The following SGCZ variants were observed in gnomAD, a reference collection of about 807,000 sequenced individuals.
SGCZ encodes the protein zeta-sarcoglycan.
A neutral mutation model predicts 41.3 loss-of-function variants in SGCZ; 40 were observed. The observed-to-expected ratio is 0.97, with a 90% CI of 0.75 to 1.26. SGCZ has a LOEUF of 1.26. Among genes scored for constraint, SGCZ ranks in the 50% most tolerant of loss-of-function variants. SGCZ has a pLI of 0.00. For synonymous variants in SGCZ, 206 were observed against 137.5 expected, an observed-to-expected ratio of 1.50 and a Z score of -3.49; for missense variants, 552 against 369.8, an observed-to-expected ratio of 1.49 and a Z score of -4.04.
chr8:14,305,010 TAATTG>T (rs1467371340), intron 3 of SGCZ, among the ~76,000 whole-genome samples: 1 of 152,164 alleles, frequency 6.6e-6, no homozygotes, highest in Non-Finnish European at 1.5e-5. Flanking sequence ...TCTTTAATAT[TAATTG>T]AATTGAGTAT....
chr8:14,730,918 C>G (rs1585215660), intron 1 of SGCZ, among the ~76,000 whole-genome samples: 1 of 151,818 alleles, frequency 6.6e-6, no homozygotes, highest in Non-Finnish European at 1.5e-5. Context: ...GAAAGAGGAA[C>G]AATTTTACGC....
At chr8:15,032,585 A>G (rs112175990) in intron 1 of SGCZ, among the ~76,000 whole-genome samples, 2 of 152,066 alleles carry the variant, frequency 1.3e-5, no homozygotes, top group African/African-American at 2.4e-5. Flanking sequence ...CAGCAGACTC[A>G]GTCTCTGGGA....
At chr8:14,435,618 A>G (rs1800068283) in intron 2 of SGCZ, among the ~76,000 whole-genome samples, 1 of 152,214 alleles carries the variant, frequency 6.6e-6, no homozygotes, top group Admixed American at 6.5e-5. Flanking sequence ...CAATACTATA[A>G]TATATATGTA....
At chr8:14,667,225 AC>A (rs1807938873) in intron 1 of SGCZ, among the ~76,000 whole-genome samples, 1 of 152,176 alleles carries the variant, frequency 6.6e-6, no homozygotes, top group Non-Finnish European at 1.5e-5. Context: ...CAATTCCTAA[AC>A]TAATTTCTCA....
At chr8:14,770,601 ATTTG>A (rs564385317) in intron 1 of SGCZ, among the ~76,000 whole-genome samples, 15 of 152,190 alleles carry the variant, frequency 9.9e-5, no homozygotes, top group Middle Eastern at 3.4e-3. Context: ...TGTTCTCACA[ATTTG>A]TTTGGGTAAG....
At chr8:14,800,082 T>G (rs968696226) in intron 1 of SGCZ, among the ~76,000 whole-genome samples, 5 of 152,176 alleles carry the variant, frequency 3.3e-5, no homozygotes, top group African/African-American at 1.2e-4. Context: ...CTATAAAGAA[T>G]ATTCTTCAGG....
At chr8:14,232,029 A>G (rs1806589876) in intron 4 of SGCZ, among the ~76,000 whole-genome samples, 1 of 151,996 alleles carries the variant, frequency 6.6e-6, no homozygotes, top group Non-Finnish European at 1.5e-5. Context: ...CATGGATGCT[A>G]TTATTAATAG....
intron 3 of SGCZ, among the ~76,000 whole-genome samples, chr8:14,269,740 A>T (rs564921212): frequency 1.3e-5 from 2 of 152,194 alleles, no homozygotes; most frequent in East Asian, 3.9e-4. Context: ...TGAGTGTACA[A>T]ATGAGATATG....
intron 1 of SGCZ, among the ~76,000 whole-genome samples, chr8:14,881,820 G>A (rs190734763): frequency 9.2e-5 from 14 of 152,230 alleles, no homozygotes; most frequent in South Asian, 4.1e-4. Context: ...AGTTGATCAC[G>A]CAATTGGAAG....
intron 3 of SGCZ, among the ~76,000 whole-genome samples, chr8:14,291,845 T>C (rs13279352): frequency 0.75 from 114,303 of 151,614 alleles, 43,559 homozygotes; most frequent in Non-Finnish European, 0.81. Flanking sequence ...TCAAGTCAAC[T>C]CTATCTTTGC....
At chr8:14,280,859 C>T (rs1400011870) in intron 3 of SGCZ, among the ~76,000 whole-genome samples, 1 of 150,928 alleles carries the variant, frequency 6.6e-6, no homozygotes, top group African/African-American at 2.4e-5. Context: ...TACTCTCTTA[C>T]ATACTTGGGA....
At chr8:14,810,388 T>C (rs964956119) in intron 1 of SGCZ, among the ~76,000 whole-genome samples, 1 of 152,036 alleles carries the variant, frequency 6.6e-6, no homozygotes, top group Non-Finnish European at 1.5e-5. Context: ...TTAACATTTT[T>C]TAAGAAATGG....
chr8:14,960,440 T>A (rs1800927533), intron 1 of SGCZ, among the ~76,000 whole-genome samples: 1 of 152,118 alleles, frequency 6.6e-6, no homozygotes, highest in Admixed American at 6.6e-5. Flanking sequence ...ATGATTCAAA[T>A]GAAATTTTGC....
intron 1 of SGCZ, among the ~76,000 whole-genome samples, chr8:15,159,785 T>A (rs1273052795): frequency 8.8e-6 from 1 of 113,852 alleles, no homozygotes; most frequent in African/African-American, 3.3e-5. Flanking sequence ...GGTGTCTGAA[T>A]CAGCTTAATG....
At position 14,164,875 on chromosome 8, in the gene SGCZ, G is replaced by T; in HGVS notation, c.425-173C>A. The T allele has an allele frequency of 8.9e-6, 7 of 786,576 alleles. No homozygotes were observed. In the South Asian group the frequency reaches 1.3e-4, roughly 15 times the overall value. 48.7% of individuals were successfully genotyped at this position (786,576 alleles called of 1,614,324 possible). On this transcript the variant is annotated intron_variant, in intron 4 of 7. Transcript: ENST00000382080. Reference sequence around the variant, plus strand: ...GTCACCATTTTCAGGAGGCTAATTTGGGAATGTACTTCTGTGCTAGGCTGG... The same window carrying T: ...GTCACCATTTTCAGGAGGCTAATTTTGGAATGTACTTCTGTGCTAGGCTGG...
intron 4 of SGCZ, among the ~76,000 whole-genome samples, chr8:14,177,943 C>CTTTTCTTTTT (rs1804598905): frequency 1.6e-5 from 2 of 127,544 alleles, no homozygotes; most frequent in Non-Finnish European, 3.3e-5. Context: ...TTTTTTCCTT[C>CTTTTCTTTTT]TTTTCTTTTT....
intron 1 of SGCZ, among the ~76,000 whole-genome samples, chr8:14,568,599 T>C (rs1480114292): frequency 2.0e-5 from 3 of 152,084 alleles, no homozygotes; most frequent in Non-Finnish European, 4.4e-5. Context: ...TCTTTCAGAG[T>C]CTTCCTACCA....
At chr8:14,165,874 A>ATACT (rs1335023979) in intron 4 of SGCZ, among the ~76,000 whole-genome samples, 2 of 152,160 alleles carry the variant, frequency 1.3e-5, no homozygotes, top group East Asian at 1.9e-4. Context: ...AGATGAATGA[A>ATACT]TACTTAAGCT....
intron 3 of SGCZ, among the ~76,000 whole-genome samples, chr8:14,307,137 A>G (rs13263851): frequency 2.0e-5 from 3 of 152,060 alleles, no homozygotes; most frequent in Admixed American, 6.6e-5. Context: ...TAACAAGAGC[A>G]TCTGTGGGAA....
Sources: gnomAD v4.1 joint callset for allele counts (sites outside exome capture counted in the v4.1 genomes callset) on GRCh38, gnomAD v4.1.1 for gene constraint, MANE v1.5 for transcripts, NCBI Gene and HGNC (gene_info 2026-07-23, HGNC 2026-07-21) for gene names.